MGMT: variants seen among roughly 807,000 people sequenced by gnomAD.
MGMT encodes methylated-DNA--protein-cysteine methyltransferase.
MGMT carries 14 observed loss-of-function variants against 15.9 expected under a neutral mutation model. The observed-to-expected ratio is 0.88, with a 90% CI of 0.58 to 1.37. The LOEUF (loss-of-function observed/expected upper bound fraction) is 1.37, where lower values mean the gene tolerates loss of function less well. Ranked by LOEUF, MGMT falls within the 40% of genes most tolerant of loss-of-function variation. The probability of loss-of-function intolerance (pLI) is 0.00; values close to 1 mark genes in which losing one functional copy is unlikely to be tolerated. For synonymous variants in MGMT, 130 were observed against 118.2 expected, an observed-to-expected ratio of 1.10 and a Z score of -0.65; for missense variants, 282 against 268.1, an observed-to-expected ratio of 1.05 and a Z score of -0.36.
chr10:129,753,797 A>AT (rs1319121226), intron 3 of MGMT, among the ~76,000 whole-genome samples: 5 of 151,540 alleles, frequency 3.3e-5, no homozygotes, highest in African/African-American at 9.7e-5. Flanking sequence ...GCATGAGTTG[A>AT]TTTTTTCCCT....
chr10:129,513,104 T>C (rs1421163147), intron 1 of MGMT, among the ~76,000 whole-genome samples: 4 of 152,196 alleles, frequency 2.6e-5, no homozygotes, highest in South Asian at 4.1e-4. Flanking sequence ...TGCTGCAACA[T>C]GGACAAACTT....
intron 2 of MGMT, among the ~76,000 whole-genome samples, chr10:129,627,535 C>T (rs1847164617): frequency 6.6e-6 from 1 of 152,092 alleles, no homozygotes; most frequent in African/African-American, 2.4e-5. Flanking sequence ...TTTGTGATGT[C>T]TTCATCTGGC....
chr10:129,732,270 T>C lies in MGMT; in HGVS notation c.274+24227T>C, dbSNP rs111949609. On this transcript the variant is annotated intron_variant, in intron 3 of 4. Transcript: ENST00000651593. ...GCTGCACCCATCTATTCGTCATTTA[T>C]ATTAGGTATTTCTCCTAATGCTATC... Among the ~76,000 whole-genome samples the C allele has an allele frequency of 9.0e-3, 1,377 of 152,168 alleles. 20 individuals are homozygous for C. Among genetic ancestry groups the C allele is most frequent in the African/African-American group, 0.029 (1,223 of 41,472 alleles).
At chr10:129,558,911 G>C (rs777229106) in intron 2 of MGMT, among the ~76,000 whole-genome samples, 1 of 152,212 alleles carries the variant, frequency 6.6e-6, no homozygotes, top group African/African-American at 2.4e-5. Flanking sequence ...CCCCGACGCC[G>C]GGCTGGTCTG....
chr10:129,562,270 T>C (rs1435257539), intron 2 of MGMT, among the ~76,000 whole-genome samples: 1 of 152,236 alleles, frequency 6.6e-6, no homozygotes, highest in Non-Finnish European at 1.5e-5. Flanking sequence ...GAAAACTCCA[T>C]GCAATGGTCT....
At chr10:129,643,787 G>C (rs1222934941) in intron 2 of MGMT, among the ~76,000 whole-genome samples, 1 of 152,162 alleles carries the variant, frequency 6.6e-6, no homozygotes, top group Non-Finnish European at 1.5e-5. Flanking sequence ...TGAATTTTGT[G>C]GCATGCTACA....
chr10:129,555,989 A>G (rs1025896738), intron 2 of MGMT, among the ~76,000 whole-genome samples: 2 of 152,158 alleles, frequency 1.3e-5, no homozygotes, highest in East Asian at 3.9e-4. Flanking sequence ...GGCACCCTCC[A>G]GGGAGCTGTC....
chr10:129,486,376 A>G (rs547196532), intron 1 of MGMT, among the ~76,000 whole-genome samples: 1 of 151,752 alleles, frequency 6.6e-6, no homozygotes, highest in Non-Finnish European at 1.5e-5. Flanking sequence ...TTTAGTAGAG[A>G]TGGGGTTTTG....
chr10:129,555,468 T>A (rs772773184), intron 2 of MGMT, among the ~76,000 whole-genome samples: 1 of 152,048 alleles, frequency 6.6e-6, no homozygotes, highest in Non-Finnish European at 1.5e-5. Context: ...CCCAGCACTT[T>A]GGGAGGCCAA....
In MGMT at chr10:129,718,870, C is replaced by T. The variant is rs1023374903; in HGVS notation, c.274+10827C>T. Among the ~76,000 whole-genome samples, 36 of 151,670 alleles carry T rather than the reference C, an allele frequency of 2.4e-4. 1 individual carries two copies. Among genetic ancestry groups the T allele is most frequent in the Non-Finnish European group, 1.3e-4 (9 of 67,922 alleles). On this transcript the variant is annotated intron_variant, in intron 3 of 4. Coordinates refer to ENST00000651593, the MANE Select transcript of MGMT (RefSeq NM_002412.5). ...TCTGTATGCTTGCTCAGGCATGTCACCTTCTGCTCAGGCATGTCACCTTCC... is the reference window on the plus strand; with the variant it reads ...TCTGTATGCTTGCTCAGGCATGTCATCTTCTGCTCAGGCATGTCACCTTCC...
chr10:129,468,909 C>T (rs1047310558), intron 1 of MGMT, among the ~76,000 whole-genome samples: 2 of 152,090 alleles, frequency 1.3e-5, no homozygotes, highest in African/African-American at 2.4e-5. Flanking sequence ...AAATCTGTAT[C>T]AAAATAAGGA....
chr10:129,483,545 T>G (rs184691236), intron 1 of MGMT, among the ~76,000 whole-genome samples: 1 of 152,196 alleles, frequency 6.6e-6, no homozygotes, highest in Admixed American at 6.5e-5. Flanking sequence ...GGTTGACCTG[T>G]TTTTTTGCTT....
chr10:129,518,365 C>T (rs1001970830), intron 1 of MGMT, among the ~76,000 whole-genome samples: 4 of 150,420 alleles, frequency 2.7e-5, no homozygotes, highest in East Asian at 3.9e-4. Context: ...CACACACACA[C>T]ACACACACAT....
chr10:129,483,515 T>C (rs1244699937), intron 1 of MGMT, among the ~76,000 whole-genome samples: 1 of 152,178 alleles, frequency 6.6e-6, no homozygotes, highest in Non-Finnish European at 1.5e-5. Context: ...ACCTGCATTC[T>C]TGAAAAAATG....
chr10:129,715,188 G>A (rs1848279717), intron 3 of MGMT, among the ~76,000 whole-genome samples: 1 of 152,102 alleles, frequency 6.6e-6, no homozygotes, highest in South Asian at 2.1e-4. Context: ...TGCTTTTATG[G>A]GAAAATATTC....
At chr10:129,599,083 C>T (rs370087985) in intron 2 of MGMT, among the ~76,000 whole-genome samples, 4 of 152,184 alleles carry the variant, frequency 2.6e-5, no homozygotes, top group African/African-American at 7.2e-5. Flanking sequence ...ATTCGCAAAT[C>T]GAGCAGCCTC....
intron 3 of MGMT, among the ~76,000 whole-genome samples, chr10:129,731,211 G>A (rs1007826648): frequency 9.5e-5 from 8 of 84,134 alleles, no homozygotes; most frequent in Non-Finnish European, 1.3e-4. Flanking sequence ...TGCCAGGCCC[G>A]GTCGGGCTCA....
At chr10:129,654,605 G>A (rs891427457) in intron 2 of MGMT, among the ~76,000 whole-genome samples, 3 of 152,098 alleles carry the variant, frequency 2.0e-5, no homozygotes, top group Non-Finnish European at 4.4e-5. Flanking sequence ...TTGGAGGGCT[G>A]TGAGGGACCT....
In MGMT at chr10:129,547,327, C is replaced by G. The variant is rs547937425; in HGVS notation, c.125+10950C>G. ...TGAGGACCTCTGAGAACCCTAGTCC[C>G]TCTGTCCATACACATCGGCAGGAGA... On this transcript the variant is annotated intron_variant, in intron 2 of 4. Transcript: ENST00000651593. Among the ~76,000 whole-genome samples, 10 of 152,262 alleles carry G rather than the reference C, an allele frequency of 6.6e-5. No individual in the cohort carries two copies. In the East Asian group the frequency reaches 1.9e-3, roughly 29 times the overall value.
Sources: allele counts gnomAD v4.1 joint callset (sites outside exome capture counted in the v4.1 genomes callset), GRCh38; gene constraint gnomAD v4.1.1; transcripts MANE v1.5; gene names NCBI Gene and HGNC (gene_info 2026-07-23, HGNC 2026-07-21).